Variants in GSG1L observed in about 807,000 individuals in gnomAD.
The protein encoded by GSG1L is germ cell-specific gene 1-like protein.
In GSG1L, 24 loss-of-function variants were observed where a neutral mutation model predicts 42.1. The observed-to-expected ratio is 0.57, with a 90% CI of 0.41 to 0.80. The LOEUF (loss-of-function observed/expected upper bound fraction) is 0.80. Among genes scored for constraint, GSG1L ranks in the 30% least tolerant of loss-of-function variants. GSG1L has a pLI of 0.00. For synonymous variants in GSG1L, 215 were observed against 203.5 expected (o/e 1.06, Z -0.48); for missense variants, 445 against 472.2 (o/e 0.94, Z 0.53).
At chr16:28,026,661 G>A (rs199846603) in intron 1 of GSG1L, among the ~76,000 whole-genome samples, 1 of 152,212 alleles carries the variant, frequency 6.6e-6, no homozygotes, top group East Asian at 1.9e-4. Context: ...CCAGGCAGAA[G>A]GAACAGCCAC....
chr16:28,036,896 A>G (rs1481996722), intron 1 of GSG1L, among the ~76,000 whole-genome samples: 1 of 152,224 alleles, frequency 6.6e-6, no homozygotes, highest in African/African-American at 2.4e-5. Flanking sequence ...TTTCTTTAAA[A>G]TGCTTCTTTC....
intron 3 of GSG1L, among the ~76,000 whole-genome samples, chr16:27,883,719 C>T (rs1277519934): frequency 6.6e-6 from 1 of 152,204 alleles, no homozygotes; most frequent in African/African-American, 2.4e-5. Context: ...GCCAGGCCTC[C>T]TGATGTTTTA....
chr16:27,913,791 C>G (rs952896234), intron 2 of GSG1L, among the ~76,000 whole-genome samples: 2 of 151,854 alleles, frequency 1.3e-5, no homozygotes, highest in African/African-American at 4.8e-5. Flanking sequence ...AGTCTGCTGC[C>G]CCAGGGCTAC....
chr16:27,893,879 A>G (rs555561149), intron 2 of GSG1L, among the ~76,000 whole-genome samples: 1 of 152,308 alleles, frequency 6.6e-6, no homozygotes, highest in South Asian at 2.1e-4. Context: ...CAGCCTCCCA[A>G]GTAGCTGGAA....
chr16:27,969,665 A>G (rs2085171411), intron 1 of GSG1L, among the ~76,000 whole-genome samples: 1 of 152,224 alleles, frequency 6.6e-6, no homozygotes, highest in Non-Finnish European at 1.5e-5. Flanking sequence ...GTTATTTATG[A>G]ACGTTCATGT....
chr16:27,936,329 T>C (rs71389823), intron 2 of GSG1L, among the ~76,000 whole-genome samples: 196 of 152,322 alleles, frequency 1.3e-3, no homozygotes, highest in Non-Finnish European at 2.1e-3. Context: ...GGAAGGTGTT[T>C]GGGTCATGGG....
intron 5 of GSG1L, among the ~76,000 whole-genome samples, chr16:27,809,684 G>A (rs2140946063): frequency 6.6e-6 from 1 of 151,970 alleles, no homozygotes; most frequent in Admixed American, 6.5e-5. Flanking sequence ...TCTCTCACTT[G>A]TCTTGCAGCT....
chr16:27,942,678 G>A (rs1455735562), intron 2 of GSG1L, among the ~76,000 whole-genome samples: 1 of 152,174 alleles, frequency 6.6e-6, no homozygotes, highest in African/African-American at 2.4e-5. Context: ...AACCTCATTA[G>A]TAATCAGGGA....
chr16:28,026,585 C>T (rs992350177), intron 1 of GSG1L, among the ~76,000 whole-genome samples: 3 of 152,166 alleles, frequency 2.0e-5, no homozygotes, highest in Non-Finnish European at 2.9e-5. Context: ...GGACGCAGCT[C>T]AGCTGGGCTC....
At chr16:27,857,787 C>A (rs992806587) in intron 3 of GSG1L, among the ~76,000 whole-genome samples, 1 of 151,994 alleles carries the variant, frequency 6.6e-6, no homozygotes, top group Non-Finnish European at 1.5e-5. Flanking sequence ...TCTCTCCCTA[C>A]CCCCTCTCCA....
intron 3 of GSG1L, among the ~76,000 whole-genome samples, chr16:27,866,288 G>T (rs965311171): frequency 6.6e-6 from 1 of 152,150 alleles, no homozygotes; most frequent in African/African-American, 2.4e-5. Flanking sequence ...TACCATGAAA[G>T]TCTCAGTGCT....
In GSG1L at chr16:28,063,646, G is replaced by T; in HGVS notation, c.-222C>A. 6.6e-6 allele frequency: 1 copy of T among 150,644 alleles called. No homozygotes were observed. The highest frequency in any genetic ancestry group is 1.8e-4 in the South Asian group (1 of 5,684). 9.3% of individuals were successfully genotyped at this position (150,644 alleles called of 1,614,324 possible). The stretch of plus-strand genomic sequence containing the variant: ...GCGGGCTGGCGGGGCGGGCGGCGGT[G>T]GAGGAGCGGCTACGGCGCGCCCGGA... On this transcript the variant is annotated 5_prime_UTR_variant, in exon 1 of 7. Coordinates refer to ENST00000447459, the MANE Select transcript of GSG1L (RefSeq NM_001109763.2). The surrounding 1 kb of genome is among the most constrained non-coding windows in gnomAD (Gnocchi z 5.8).
At chr16:28,026,381 G>A (rs1045110363) in intron 1 of GSG1L, among the ~76,000 whole-genome samples, 1 of 152,148 alleles carries the variant, frequency 6.6e-6, no homozygotes, top group South Asian at 2.1e-4. Flanking sequence ...ATTCTGCTGC[G>A]GATCTGCCAC....
chr16:28,015,933 T>C (rs1567556586), intron 1 of GSG1L, among the ~76,000 whole-genome samples: 2 of 152,214 alleles, frequency 1.3e-5, no homozygotes, highest in Non-Finnish European at 2.9e-5. Context: ...TACAAAGTCC[T>C]TCCCACCTCT....
intron 3 of GSG1L, among the ~76,000 whole-genome samples, chr16:27,871,706 C>G (rs1438306067): frequency 6.6e-6 from 1 of 152,152 alleles, no homozygotes; most frequent in Non-Finnish European, 1.5e-5. Context: ...AGCCATAAAA[C>G]TAACAAAGTA....
At chr16:28,007,094 C>T (rs1303423424) in intron 1 of GSG1L, among the ~76,000 whole-genome samples, 3 of 152,182 alleles carry the variant, frequency 2.0e-5, no homozygotes, top group East Asian at 1.9e-4. Context: ...GCCCCCACCA[C>T]GAAGTCCACG....
chr16:28,007,576 C>T (rs1175854929), intron 1 of GSG1L, among the ~76,000 whole-genome samples: 3 of 151,678 alleles, frequency 2.0e-5, no homozygotes, highest in Non-Finnish European at 2.9e-5. Context: ...GCAGCGGTGC[C>T]ATCACAGGTC....
chr16:28,054,565 G>T (rs1467082248), intron 1 of GSG1L, among the ~76,000 whole-genome samples: 1 of 152,110 alleles, frequency 6.6e-6, no homozygotes, highest in East Asian at 1.9e-4. Flanking sequence ...GGAGACGGAG[G>T]TTACAGTAAG....
intron 5 of GSG1L, among the ~76,000 whole-genome samples, chr16:27,816,703 T>G (rs1597469677): frequency 1.3e-5 from 2 of 152,042 alleles, no homozygotes; most frequent in South Asian, 2.1e-4. Context: ...GGAGGAGATT[T>G]GCACAATGGG....
Sources: gnomAD v4.1 joint callset for allele counts (sites outside exome capture counted in the v4.1 genomes callset) on GRCh38, gnomAD v4.1.1 for gene constraint, Gnocchi (gnomAD v3.1) non-coding constraint, MANE v1.5 for transcripts, NCBI Gene and HGNC (gene_info 2026-07-23, HGNC 2026-07-21) for gene names.